The following ST3GAL6 variants were observed in gnomAD, a reference collection of about 807,000 sequenced individuals.
The protein encoded by ST3GAL6 is ST3 beta-galactoside alpha-2,3-sialyltransferase 6.
Under a neutral mutation model 40.5 loss-of-function variants are expected in ST3GAL6, and 31 were observed. The observed-to-expected ratio is 0.77, with a 90% confidence interval of 0.58 to 1.03. The LOEUF is 1.03. ST3GAL6 is among the 50% of genes least tolerant of loss of function. The probability of loss-of-function intolerance (pLI) is 0.00; values close to 1 mark genes in which losing one functional copy is unlikely to be tolerated. For synonymous variants in ST3GAL6, 129 were observed against 136.9 expected (o/e 0.94, Z 0.40); for missense variants, 357 against 393.2 (o/e 0.91, Z 0.78).
intron 5 of ST3GAL6, among the ~76,000 whole-genome samples, chr3:98,778,679 CCTTA>C (rs1939785069): frequency 6.6e-6 from 1 of 152,126 alleles, no homozygotes; most frequent in African/African-American, 2.4e-5. Flanking sequence ...TAAGTGATTC[CCTTA>C]CTTCACAAAA....
chr3:98,753,707 G>T (rs1937200662), intron 1 of ST3GAL6, among the ~76,000 whole-genome samples: 1 of 152,234 alleles, frequency 6.6e-6, no homozygotes, highest in African/African-American at 2.4e-5. Flanking sequence ...GCTTACGCCT[G>T]TAATCCCAGC....
chr3:98,751,614 A>G (rs376206804), intron 1 of ST3GAL6, among the ~76,000 whole-genome samples: 2 of 152,192 alleles, frequency 1.3e-5, no homozygotes, highest in Non-Finnish European at 2.9e-5. Context: ...GTTTTTCTTT[A>G]ATGCCTTTCA....
intron 1 of ST3GAL6, among the ~76,000 whole-genome samples, chr3:98,743,259 G>A (rs62278472): frequency 0.29 from 44,102 of 151,722 alleles, 6,817 homozygotes; most frequent in Admixed American, 0.4. Flanking sequence ...AGCTCAGAGC[G>A]ATCCATCAAC....
intron 1 of ST3GAL6, among the ~76,000 whole-genome samples, chr3:98,740,595 G>T (rs899565931): frequency 2.6e-5 from 4 of 151,984 alleles, no homozygotes; most frequent in Admixed American, 1.3e-4. Flanking sequence ...ATCACTGCAT[G>T]ACTCCGAACA....
intron 9 of ST3GAL6, among the ~76,000 whole-genome samples, chr3:98,792,320 T>G (rs1941273900): frequency 6.6e-6 from 1 of 152,196 alleles, no homozygotes; most frequent in African/African-American, 2.4e-5. Flanking sequence ...TATTACAAAT[T>G]CACCTTGCAT....
intron 5 of ST3GAL6, among the ~76,000 whole-genome samples, chr3:98,778,849 T>A (rs1939800498): frequency 6.6e-6 from 1 of 152,216 alleles, no homozygotes; most frequent in African/African-American, 2.4e-5. Flanking sequence ...TAGGAGTGAT[T>A]TAAACTACGT....
At chr3:98,763,104 C>G, upstream of ST3GAL6, 1 of 985,266 alleles carries the variant, frequency 1.0e-6, no homozygotes, top group Non-Finnish European at 1.2e-6. Context: ...CATTAAGGCT[C>G]AGGTCATATG....
In ST3GAL6 at chr3:98,773,946, A is replaced by G; in HGVS notation, c.298A>G (p.Lys100Glu). 6.2e-7 allele frequency: 1 copy of G among 1,613,622 alleles called. No homozygotes were observed. Among genetic ancestry groups the G allele is most frequent in the Non-Finnish European group, 8.5e-7 (1 of 1,179,650 alleles). Residue 100 changes from lysine (K) to glutamate (E), a missense_variant, in exon 5 of 10, where the codon AAA becomes GAA. Coordinates refer to ENST00000483910, the MANE Select transcript of ST3GAL6 (RefSeq NM_001323368.2). ...GGAATATTTTCGACTTGCTCTTTCAAAACTGCAGAGTTGTGATCTCTTTGA... is the reference window on the plus strand; with the variant it reads ...GGAATATTTTCGACTTGCTCTTTCAGAACTGCAGAGTTGTGATCTCTTTGA... ...SAEYFRLALSKLQSCDLFDEF... is the reference protein window; with the variant it reads ...SAEYFRLALSELQSCDLFDEF...
chr3:98,785,859 ATTG>A (rs895117140), intron 6 of ST3GAL6, among the ~76,000 whole-genome samples: 15 of 152,096 alleles, frequency 9.9e-5, no homozygotes, highest in Admixed American at 2.0e-4. Context: ...TTGGGACAGG[ATTG>A]TTGTAGGAGA....
Position 98,763,380 on chromosome 3 carries a change from G to A in ST3GAL6, c.-71G>A. ...CCAGCAGAGACTAGGATGGATGACG[G>A]CCTGTCCAGGGGCTGAATGGACACA... is the stretch of plus-strand genomic sequence containing the variant. On this transcript the variant is annotated 5_prime_UTR_variant, in exon 1 of 10. Transcript: ENST00000483910. 7.8e-7 allele frequency: 1 copy of A among 1,289,836 alleles called. No individual in the cohort carries two copies. Among genetic ancestry groups the A allele is most frequent in the Non-Finnish European group, 1.0e-6 (1 of 988,882 alleles). The allele number at this position is 1,289,836 out of a possible 1,614,324, so 79.9% of individuals were successfully genotyped here.
At chr3:98,769,181 G>A (rs1435507017) in intron 2 of ST3GAL6, among the ~76,000 whole-genome samples, 4 of 152,076 alleles carry the variant, frequency 2.6e-5, no homozygotes, top group African/African-American at 9.7e-5. Context: ...AGTATTTTTT[G>A]CCAGTGTTTC....
In ST3GAL6 at chr3:98,784,946, A is replaced by C. The variant is rs756369131; in HGVS notation, c.337A>C (p.Ile113Leu). Reference protein sequence around the residue: ...SCDLFDEFDNIPCKKCVVVGN... With the variant: ...SCDLFDEFDNLPCKKCVVVGN... ...CTCACTTGTCCATCTGTCCAACAGCATACCCTGTAAAAAGTGTGTGGTGGT... is the reference window on the plus strand; with the variant it reads ...CTCACTTGTCCATCTGTCCAACAGCCTACCCTGTAAAAAGTGTGTGGTGGT... The change falls in exon 6 of 10, where the codon ATA (isoleucine) becomes CTA (leucine). Residue 113 changes from isoleucine to leucine, a missense_variant and splice_region_variant. Physicochemically the swap from Ile to Leu is conservative, Grantham distance 5. Transcript: ENST00000483910. 10 of 1,612,428 alleles carry C rather than the reference A, an allele frequency of 6.2e-6. No homozygotes were observed. The highest frequency in any genetic ancestry group is 8.5e-6 in the Non-Finnish European group (10 of 1,178,776).
rs560416180 is a variant in ST3GAL6, at chr3:98,781,682, G to A, written c.336-3263G>A. ...ACTCCAGGCCAGGATGGATGCAGGAGCCCCTGAGGCACCTGGGCTCAGGGC... is the reference window on the plus strand; with the variant it reads ...ACTCCAGGCCAGGATGGATGCAGGAACCCCTGAGGCACCTGGGCTCAGGGC... On this transcript the variant is annotated intron_variant, in intron 5 of 9. Transcript: ENST00000483910. Among the ~76,000 whole-genome samples, 19 of 152,264 alleles carry A rather than the reference G, an allele frequency of 1.2e-4. No individual in the cohort carries two copies. The South Asian group carries it at 3.9e-3, about 32-fold the overall frequency.
chr3:98,757,868 C>T (rs1450180921), intron 1 of ST3GAL6, among the ~76,000 whole-genome samples: 1 of 150,176 alleles, frequency 6.7e-6, no homozygotes, highest in Non-Finnish European at 1.5e-5. Context: ...CGGAGTCTTG[C>T]TCTGTTGCCC....
chr3:98,778,972 A>G (rs1026542464), intron 5 of ST3GAL6, among the ~76,000 whole-genome samples: 1 of 151,970 alleles, frequency 6.6e-6, no homozygotes, highest in African/African-American at 2.4e-5. Context: ...GGATTGCACA[A>G]CTCCAGGGAG....
At chr3:98,758,203 CTA>C (rs1218430266) in intron 1 of ST3GAL6, among the ~76,000 whole-genome samples, 2 of 152,154 alleles carry the variant, frequency 1.3e-5, no homozygotes, top group African/African-American at 4.8e-5. Context: ...ATTCTCTAGC[CTA>C]GGGTGAGAAA....
At chr3:98,758,886 A>G (rs1937563564), upstream of ST3GAL6, among the ~76,000 whole-genome samples, 1 of 152,238 alleles carries the variant, frequency 6.6e-6, no homozygotes, top group African/African-American at 2.4e-5. Flanking sequence ...TACTTGTAAT[A>G]GCTCTATTAG....
At chr3:98,766,158 C>T (rs1304918129) in intron 1 of ST3GAL6, among the ~76,000 whole-genome samples, 1 of 152,014 alleles carries the variant, frequency 6.6e-6, no homozygotes, top group African/African-American at 2.4e-5. Context: ...TTAATTAGAC[C>T]ACATATTAGT....
At chr3:98,771,915 A>T (rs1939040545) in intron 3 of ST3GAL6, among the ~76,000 whole-genome samples, 1 of 152,164 alleles carries the variant, frequency 6.6e-6, no homozygotes, top group Admixed American at 6.5e-5. Flanking sequence ...AATAAGAAAA[A>T]AAAAGAATTT....
Sources: gnomAD v4.1 joint callset for allele counts (sites outside exome capture counted in the v4.1 genomes callset) on GRCh38, gnomAD v4.1.1 for gene constraint, MANE v1.5 for transcripts, NCBI Gene and HGNC (gene_info 2026-07-23, HGNC 2026-07-21) for gene names.